The following ZNF91 variants were observed in gnomAD, a reference collection of about 807,000 sequenced individuals.
ZNF91 encodes the protein zinc finger protein 91.
Under a neutral mutation model 12.6 loss-of-function variants are expected in ZNF91, and 7 were observed. The observed-to-expected ratio is 0.55, with a 90% CI of 0.31 to 1.04. ZNF91 has a LOEUF of 1.04. ZNF91 is among the 50% of genes least tolerant of loss of function. ZNF91 has a pLI of 0.05. For missense variants in ZNF91, 1,217 were observed against 1,385.4 expected (o/e 0.88, Z 1.93); for synonymous variants, 453 against 462.6 (o/e 0.98, Z 0.27).
chr19:23,314,528 G>A (rs762427612), upstream of ZNF91, among the ~76,000 whole-genome samples: 13 of 152,196 alleles, frequency 8.5e-5, no homozygotes, highest in East Asian at 9.7e-4. Context: ...TCCACAGTGC[G>A]AGTTGTGACA....
At chr19:23,371,343 C>T (rs1222282813) in intron 3 of ZNF91, among the ~76,000 whole-genome samples, 1 of 151,210 alleles carries the variant, frequency 6.6e-6, no homozygotes, top group Non-Finnish European at 1.5e-5. Flanking sequence ...AAAACTCCAT[C>T]TCAAAAACAA....
At chr19:23,344,364 G>A (rs573451790) in intron 3 of ZNF91, among the ~76,000 whole-genome samples, 1 of 152,190 alleles carries the variant, frequency 6.6e-6, no homozygotes, top group African/African-American at 2.4e-5. Context: ...AAATTGCTGG[G>A]ATTACAGAGG....
At chr19:23,356,497 A>G (rs1281946024), downstream of ZNF91, among the ~76,000 whole-genome samples, 3 of 152,216 alleles carry the variant, frequency 2.0e-5, no homozygotes, top group African/African-American at 7.2e-5. Context: ...GGTAAACCAA[A>G]TATCGTATGT....
At chr19:23,332,441 C>G (rs1967942713) in intron 1 of ZNF91, among the ~76,000 whole-genome samples, 1 of 151,950 alleles carries the variant, frequency 6.6e-6, no homozygotes, top group Non-Finnish European at 1.5e-5. Flanking sequence ...AAACAGAGAC[C>G]CAGGGAGGCA....
chr19:23,371,117 G>C (rs1366128094), intron 3 of ZNF91, among the ~76,000 whole-genome samples: 2 of 152,134 alleles, frequency 1.3e-5, no homozygotes, highest in Admixed American at 1.3e-4. Context: ...ACGGCAGGCA[G>C]ATCACCTGAG....
chr19:23,362,275 T>C lies in ZNF91; in HGVS notation c.704A>G (p.Asp235Gly). Reference protein sequence around the residue: ...LTNHKEIHTEDKPYKCEECGK... With the variant: ...LTNHKEIHTEGKPYKCEECGK... ...ACATTCTTCACATTTGTAGGGTTTA[T>C]CTTCAGTATGAATTTCCTTATGATT... is the stretch of plus-strand genomic sequence containing the variant. Residue 235 changes from aspartate to glycine, a missense_variant, in exon 4 of 4, where the codon GAT (aspartate) becomes GGT (glycine). Coordinates refer to ENST00000300619, the MANE Select transcript of ZNF91 (RefSeq NM_003430.4). 1.2e-6 allele frequency: 2 copies of C among 1,614,116 alleles called. No homozygotes were observed. Among genetic ancestry groups the C allele is most frequent in the Non-Finnish European group, 8.5e-7 (1 of 1,180,000 alleles).
At chr19:23,310,172 G>A (rs1456691453) in intron 1 of ZNF91, among the ~76,000 whole-genome samples, 1 of 149,060 alleles carries the variant, frequency 6.7e-6, no homozygotes, top group Non-Finnish European at 1.5e-5. Context: ...TGACTCCCAT[G>A]CATACCATAT....
chr19:23,364,736 C>CTTATA (rs1447181477), intron 3 of ZNF91, among the ~76,000 whole-genome samples: 1 of 151,956 alleles, frequency 6.6e-6, no homozygotes, highest in East Asian at 1.9e-4. Context: ...TATGACTACT[C>CTTATA]AGCTACACAG....
chr19:23,376,427 T>C (rs929265853), intron 1 of ZNF91, among the ~76,000 whole-genome samples: 4 of 151,944 alleles, frequency 2.6e-5, no homozygotes, highest in Non-Finnish European at 4.4e-5. Flanking sequence ...GCTCTTGTTG[T>C]TGCCCAGACT....
At chr19:23,357,547 C>A (rs749070991), downstream of ZNF91, 2 of 152,138 alleles carry the variant, frequency 1.3e-5, no homozygotes, top group Admixed American at 1.3e-4. Flanking sequence ...TTTATTTACA[C>A]CTAAGATTCA....
upstream of ZNF91, among the ~76,000 whole-genome samples, chr19:23,311,899 G>T (rs1363710684): frequency 1.9e-5 from 2 of 107,434 alleles, no homozygotes; most frequent in African/African-American, 8.4e-5. Flanking sequence ...CCTAGGCCAT[G>T]CCAAAAAAAA....
At chr19:23,367,284 C>T (rs1423578879) in intron 3 of ZNF91, among the ~76,000 whole-genome samples, 1 of 152,046 alleles carries the variant, frequency 6.6e-6, no homozygotes. Flanking sequence ...AGAGTAAGAT[C>T]CTGTCTTCAA....
rs1968627840 is a variant in ZNF91, at chr19:23,359,574, TTTGTA to T, written c.3400_3404del (p.Tyr1134MetfsTer2). The T allele has an allele frequency of 6.2e-7, 1 of 1,613,914 alleles. No homozygotes were observed. Among genetic ancestry groups the T allele is most frequent in the African/African-American group, 1.3e-5 (1 of 74,918 alleles). ...TAAAGGCTTTGCCACATTTTTCACA[TTTGTA>T]GGGTTTCTCTCCAGTGTGAATTATC... On this transcript the variant is annotated frameshift_variant, in exon 4 of 4. Transcript: ENST00000300619. LOFTEE classifies it low-confidence loss of function (END_TRUNC).
chr19:23,343,699 G>A (rs1968166897), intron 3 of ZNF91, among the ~76,000 whole-genome samples: 1 of 152,186 alleles, frequency 6.6e-6, no homozygotes, highest in South Asian at 2.1e-4. Flanking sequence ...GAGTAAAGCC[G>A]CTGACCCTGC....
chr19:23,331,544 G>T (rs541054015), intron 1 of ZNF91, among the ~76,000 whole-genome samples: 38 of 152,298 alleles, frequency 2.5e-4, no homozygotes, highest in African/African-American at 8.9e-4. Context: ...GAGTGTGTGT[G>T]TATGTTTGGT....
intron 3 of ZNF91, among the ~76,000 whole-genome samples, chr19:23,366,579 C>T (rs1284743004): frequency 1.3e-5 from 2 of 152,186 alleles, no homozygotes; most frequent in African/African-American, 2.4e-5. Flanking sequence ...TCTGTGCCAG[C>T]ATCTGCTTCT....
chr19:23,392,396 C>CA (rs71163502), intron 1 of ZNF91, among the ~76,000 whole-genome samples: 19,679 of 69,698 alleles, frequency 0.28, 2,028 homozygotes, highest in Non-Finnish European at 0.32. Flanking sequence ...AACTCCATCT[C>CA]AAAAAAAAAA....
intron 3 of ZNF91, among the ~76,000 whole-genome samples, chr19:23,368,703 T>A: frequency 6.6e-6 from 1 of 151,916 alleles, no homozygotes. Context: ...AGTAAACATT[T>A]AATAGAGAAA....
At chr19:23,393,333 T>G (rs910695013) in intron 1 of ZNF91, among the ~76,000 whole-genome samples, 15 of 152,150 alleles carry the variant, frequency 9.9e-5, no homozygotes, top group African/African-American at 3.6e-4. Context: ...ACGTCCACAC[T>G]TGAGAAGCTA....
Sources: gnomAD v4.1 joint callset for allele counts (sites outside exome capture counted in the v4.1 genomes callset) on GRCh38, gnomAD v4.1.1 for gene constraint, MANE v1.5 for transcripts, NCBI Gene and HGNC (gene_info 2026-07-23, HGNC 2026-07-21) for gene names.